TBC1D19: variants seen among roughly 807,000 people sequenced by gnomAD.
TBC1D19 encodes TBC1 domain family member 19, also known as TBC1 domain family, member 19.
In TBC1D19, 60 loss-of-function variants were observed where a neutral mutation model predicts 89.0. That is an observed-to-expected ratio of 0.67 (90% confidence interval 0.55 to 0.84). The LOEUF is 0.84. Ranked by LOEUF, TBC1D19 falls within the 40% of genes least tolerant of loss-of-function variation. The pLI is 0.00. For missense variants in TBC1D19, 500 were observed against 610.8 expected (o/e 0.82, Z 1.91); for synonymous variants, 189 against 199.7 (o/e 0.95, Z 0.45).
chr4:26,752,243 C>CTTTTTTT (rs758735137), intron 19 of TBC1D19, among the ~76,000 whole-genome samples: 2 of 128,920 alleles, frequency 1.6e-5, no homozygotes, highest in Non-Finnish European at 3.3e-5. Context: ...ATATTTCTTT[C>CTTTTTTT]TTTTTTTTTT....
the TBC1D19 span, among the ~76,000 whole-genome samples, chr4:26,798,043 A>G: frequency 1.3e-5 from 2 of 152,198 alleles, no homozygotes; most frequent in Non-Finnish European, 2.9e-5. Flanking sequence ...AAATAGTCAA[A>G]TGGGACTTAA....
At chr4:26,673,281 T>C (rs563809325) in intron 10 of TBC1D19, among the ~76,000 whole-genome samples, 11 of 151,670 alleles carry the variant, frequency 7.3e-5, no homozygotes, top group Non-Finnish European at 1.5e-4. Flanking sequence ...AACATTCTTA[T>C]ATATTGTAAT....
At chr4:26,811,250 C>T in the TBC1D19 span, among the ~76,000 whole-genome samples, 1 of 152,358 alleles carries the variant, frequency 6.6e-6, no homozygotes, top group South Asian at 2.1e-4. Context: ...CAAACTAACA[C>T]AGGAACAGAA....
chr4:26,621,711 A>G (rs985801247), intron 4 of TBC1D19, among the ~76,000 whole-genome samples: 1 of 152,120 alleles, frequency 6.6e-6, no homozygotes, highest in Non-Finnish European at 1.5e-5. Flanking sequence ...ATATATTTCT[A>G]TCTCTAGGTG....
intron 6 of TBC1D19, 36 bp downstream of exon 6, chr4:26,638,870 A>G (rs1743307130): frequency 6.8e-7 from 1 of 1,469,308 alleles, no homozygotes; most frequent in Admixed American, 2.0e-5. Context: ...TAGTAGTGGA[A>G]AAATAATTGC....
intron 17 of TBC1D19, chr4:26,740,696 C>T: frequency 1.0e-6 from 1 of 985,130 alleles, no homozygotes; most frequent in Non-Finnish European, 1.2e-6. Context: ...TTTTTTCCCC[C>T]TTTGGACCTG....
chr4:26,798,866 G>A, the TBC1D19 span, among the ~76,000 whole-genome samples: 17 of 151,758 alleles, frequency 1.1e-4, no homozygotes, highest in African/African-American at 4.1e-4. Flanking sequence ...TAGACACTGG[G>A]GATTCAAAAA....
the TBC1D19 span, among the ~76,000 whole-genome samples, chr4:26,832,993 C>CA: frequency 6.6e-6 from 1 of 151,914 alleles, no homozygotes; most frequent in Non-Finnish European, 1.5e-5. Flanking sequence ...GACCCTGTCT[C>CA]AAAAAACCAA....
chr4:26,851,315 A>ATCTATCTATCTATCTATCTGTCTG, the TBC1D19 span, among the ~76,000 whole-genome samples: 1 of 143,196 alleles, frequency 7.0e-6, no homozygotes, highest in East Asian at 2.1e-4. Context: ...CTATCTATCT[A>ATCTATCTATCTATCTATCTGTCTG]TCTATCTATC....
chr4:26,763,759 C>T, the TBC1D19 span, among the ~76,000 whole-genome samples: 13 of 152,184 alleles, frequency 8.5e-5, no homozygotes, highest in African/African-American at 3.1e-4. Context: ...AGATAAAATA[C>T]ATAAAAGTAT....
intron 1 of TBC1D19, among the ~76,000 whole-genome samples, chr4:26,593,821 A>G (rs551375374): frequency 1.3e-5 from 2 of 152,364 alleles, no homozygotes; most frequent in South Asian, 4.1e-4. Flanking sequence ...AATGGCGATC[A>G]TTAAAAAGTC....
intron 15 of TBC1D19, among the ~76,000 whole-genome samples, chr4:26,733,189 G>A (rs923019491): frequency 6.6e-6 from 1 of 152,156 alleles, no homozygotes; most frequent in African/African-American, 2.4e-5. Flanking sequence ...AGAATAATTT[G>A]GCTTTTCTCA....
the TBC1D19 span, among the ~76,000 whole-genome samples, chr4:26,853,983 TTTAC>T: frequency 3.9e-5 from 6 of 152,362 alleles, no homozygotes; most frequent in South Asian, 1.0e-3. Flanking sequence ...CAAACTCTCT[TTTAC>T]TTATTCTTCT....
At chr4:26,847,829 T>A in the TBC1D19 span, among the ~76,000 whole-genome samples, 4 of 152,228 alleles carry the variant, frequency 2.6e-5, no homozygotes, top group Non-Finnish European at 5.9e-5. Flanking sequence ...ATGACTTTTC[T>A]ATTTCATTGA....
At chr4:26,769,396 G>A in the TBC1D19 span, among the ~76,000 whole-genome samples, 2 of 151,824 alleles carry the variant, frequency 1.3e-5, no homozygotes, top group Non-Finnish European at 2.9e-5. Context: ...TAAATAGAAA[G>A]GCTTTTTCTT....
intron 7 of TBC1D19, among the ~76,000 whole-genome samples, chr4:26,654,719 A>G (rs1234660950): frequency 6.6e-6 from 1 of 152,188 alleles, no homozygotes; most frequent in Non-Finnish European, 1.5e-5. Flanking sequence ...CTTGGTTTTC[A>G]GCTCCATCAG....
At chr4:26,685,054 A>T (rs1026951655) in intron 12 of TBC1D19, among the ~76,000 whole-genome samples, 6 of 152,236 alleles carry the variant, frequency 3.9e-5, no homozygotes, top group African/African-American at 1.4e-4. Context: ...TAATCAGAGT[A>T]CTAACAAAAG....
chr4:26,659,728 A>T (rs1165239620), intron 8 of TBC1D19, 21 bp downstream of exon 8: 2 of 1,457,310 alleles, frequency 1.4e-6, no homozygotes, highest in Non-Finnish European at 1.9e-6. Context: ...AAACTTAAAA[A>T]TAAACATCAT....
chr4:26,608,808 C>CA (rs973286808), intron 1 of TBC1D19, among the ~76,000 whole-genome samples: 18 of 151,690 alleles, frequency 1.2e-4, no homozygotes, highest in African/African-American at 4.1e-4. Flanking sequence ...TATTTTTTAT[C>CA]AAGTTCCTTG....
Sources: gnomAD v4.1 joint callset for allele counts (sites outside exome capture counted in the v4.1 genomes callset) on GRCh38, gnomAD v4.1.1 for gene constraint, MANE v1.5 for transcripts, NCBI Gene and HGNC (gene_info 2026-07-23, HGNC 2026-07-21) for gene names.